The following DTX1 variants were observed in gnomAD, a reference collection of about 807,000 sequenced individuals.
DTX1 encodes the protein deltex E3 ubiquitin ligase 1.
In DTX1, 26 loss-of-function variants were observed where a neutral mutation model predicts 57.8. The ratio of observed to expected loss-of-function variants is 0.45; its 90% CI spans 0.33 to 0.62. The LOEUF (loss-of-function observed/expected upper bound fraction) is 0.62, where lower values mean the gene tolerates loss of function less well. DTX1 is among the 20% of genes least tolerant of loss of function. DTX1 has a pLI of 0.02. For synonymous variants in DTX1, 398 were observed against 394.1 expected (o/e 1.01, Z -0.12); for missense variants, 704 against 895.3 (o/e 0.79, Z 2.73).
In DTX1 at chr12:113,057,604, C is replaced by T. The variant is rs2044635553; in HGVS notation, c.-589C>T. On this transcript the variant is annotated 5_prime_UTR_variant, in exon 2 of 10. Coordinates refer to ENST00000548759, the MANE Select transcript of DTX1 (RefSeq NM_004416.3). Reference sequence around the variant, plus strand: ...TGCGTTCTGCGGCCACCCAGGCCTTCCAGGACACCGTGGAGAGGGAACAAG... The same window carrying T: ...TGCGTTCTGCGGCCACCCAGGCCTTTCAGGACACCGTGGAGAGGGAACAAG... The T allele has an allele frequency of 1.3e-5, 2 of 153,728 alleles. No homozygotes were observed. The highest frequency in any genetic ancestry group is 6.4e-5 in the Admixed American group (1 of 15,574). The allele number at this position is 153,728 out of a possible 1,614,324, so 9.5% of individuals were successfully genotyped here.
chr12:113,063,698 G>C (rs1015349813), intron 2 of DTX1, among the ~76,000 whole-genome samples: 1 of 152,234 alleles, frequency 6.6e-6, no homozygotes, highest in Non-Finnish European at 1.5e-5. Context: ...GTGGTGGCTG[G>C]TTCTGGGATC....
At position 113,057,960 on chromosome 12, in the gene DTX1, A is replaced by C; in HGVS notation, c.-233A>C. On this transcript the variant is annotated 5_prime_UTR_variant, in exon 2 of 10. Coordinates refer to ENST00000548759, the MANE Select transcript of DTX1 (RefSeq NM_004416.3). ...AAGAGAGACACTTGCTTTCCAGGGC[A>C]GCACCCTTTATCGGAGAAGGCTCTA... 1.6e-6 allele frequency: 1 copy of C among 635,290 alleles called. No individual in the cohort carries two copies. The highest frequency in any genetic ancestry group is 2.6e-6 in the Non-Finnish European group (1 of 380,504). The allele number at this position is 635,290 out of a possible 1,614,324, so 39.4% of individuals were successfully genotyped here. A position where few individuals can be genotyped will look rare whatever the true frequency, so the allele number is the denominator to read the frequency against.
intron 3 of DTX1, among the ~76,000 whole-genome samples, chr12:113,082,634 T>C (rs1275189761): frequency 3.3e-5 from 5 of 152,206 alleles, no homozygotes; most frequent in Non-Finnish European, 5.9e-5. Flanking sequence ...TCGCTCTTAT[T>C]GCCCAGGCTG....
intron 2 of DTX1, among the ~76,000 whole-genome samples, chr12:113,068,280 C>G (rs1242469935): frequency 6.6e-6 from 1 of 152,214 alleles, no homozygotes; most frequent in Non-Finnish European, 1.5e-5. Context: ...GTAAACCAGC[C>G]CAGCCTTGGA....
rs2044779447 is a variant in DTX1, at chr12:113,077,347, C to T, written c.260-77C>T. ...CCCCCCAACCTCCCGCCCACCCTTG[C>T]CTGGCTGTGGCCCGCCCTTCCAGCC... On this transcript the variant is annotated intron_variant, in intron 2 of 9. Transcript: ENST00000548759. This position sits in a 1 kb window ranked among gnomAD's most constrained non-coding sequence, Gnocchi z 7.8. The T allele has an allele frequency of 1.4e-6, 2 of 1,428,360 alleles. No individual in the cohort carries two copies. Among genetic ancestry groups the T allele is most frequent in the Middle Eastern group, 2.4e-4 (1 of 4,128 alleles). The allele number at this position is 1,428,360 out of a possible 1,614,324, so 88.5% of individuals were successfully genotyped here. A position where few individuals can be genotyped will look rare whatever the true frequency, so the allele number is the denominator to read the frequency against.
chr12:113,083,015 CG>C (rs917729560), intron 3 of DTX1, among the ~76,000 whole-genome samples: 5 of 152,226 alleles, frequency 3.3e-5, no homozygotes, highest in African/African-American at 7.2e-5. Context: ...TCCGAGATCA[CG>C]GTGTCACAGG....
In DTX1 at chr12:113,093,277, C is replaced by G; in HGVS notation, c.1003+54C>G. 1 of 1,536,768 alleles carries G rather than the reference C, an allele frequency of 6.5e-7. No homozygotes were observed. Among genetic ancestry groups the G allele is most frequent in the Non-Finnish European group, 8.8e-7 (1 of 1,137,214 alleles). On this transcript the variant is annotated intron_variant, in intron 4 of 9. Coordinates refer to ENST00000548759, the MANE Select transcript of DTX1 (RefSeq NM_004416.3). This position sits in a 1 kb window ranked among gnomAD's most constrained non-coding sequence, Gnocchi z 4.2. ...GGGCGGGGCCCACTAGGAGGCAGCT[C>G]CGCCTGTCACCCGGTGACCCCGCCC...
intron 2 of DTX1, among the ~76,000 whole-genome samples, chr12:113,076,420 T>C (rs2044772466): frequency 6.8e-6 from 1 of 146,116 alleles, no homozygotes; most frequent in East Asian, 2.0e-4. Context: ...ATTGTGCCAC[T>C]GTATTCCAGC....
rs1433417872 is a variant in DTX1, at chr12:113,078,051, G to T, written c.887G>T (p.Arg296Leu). Reference protein sequence around the residue: ...ARTPGQNNLNRPGPQRTTSVS... With the variant: ...ARTPGQNNLNLPGPQRTTSVS... ...ACCCCGGGGCAGAACAACCTCAACC[G>T]GCCCGGGCCCCAGCGCACCACCAGC... Residue 296 changes from arginine (R) to leucine (L), a missense_variant, in exon 3 of 10, where the codon CGG becomes CTG. This residue lies in a region of DTX1 where 299 missense variants were observed against 311.2 expected (regional missense o/e 0.96). Transcript: ENST00000548759. 10 of 1,361,776 alleles carry T rather than the reference G, an allele frequency of 7.3e-6. No individual in the cohort carries two copies. The highest frequency in any genetic ancestry group is 1.6e-5 in the South Asian group (1 of 60,954). 84.4% of individuals were successfully genotyped at this position (1,361,776 alleles called of 1,614,324 possible).
At chr12:113,060,412 G>A (rs1406723155) in intron 2 of DTX1, among the ~76,000 whole-genome samples, 4 of 152,064 alleles carry the variant, frequency 2.6e-5, no homozygotes, top group African/African-American at 7.2e-5. Context: ...AACTAAACCT[G>A]GCCCAGAGGT....
At position 113,095,551 on chromosome 12, in the gene DTX1, G is replaced by C. The variant is rs1030798157; in HGVS notation, c.1638+137G>C. On this transcript the variant is annotated intron_variant, in intron 9 of 9. Transcript: ENST00000548759. The stretch of plus-strand genomic sequence containing the variant: ...CCAAAAGCAGCACCCGAACAGTAAC[G>C]ACCACAGCCACCTCCTTCACACATC... 11 of 1,063,184 alleles carry C rather than the reference G, an allele frequency of 1.0e-5. 1 individual carries two copies. The African/African-American group carries it at 1.4e-4, about 14-fold the overall frequency. 65.9% of individuals were successfully genotyped at this position (1,063,184 alleles called of 1,614,324 possible).
Position 113,095,336 on chromosome 12 carries a change from C to T in DTX1, c.1560C>T (p.His520=), listed in dbSNP as rs763030792. ...GTCCCTCTCTGCAGGGCCCTGAGCA[C>T]CCCAACCCCGGGAAGAAGTTCACCG... is the stretch of plus-strand genomic sequence containing the variant. ...DIPTGIQGPE[H]PNPGKKFTAR... is the part of the protein sequence containing the mutation. Residue 520 remains histidine (H), a synonymous_variant, in exon 9 of 10, where the codon CAC becomes CAT. Transcript: ENST00000548759. The T allele has an allele frequency of 1.4e-5, 22 of 1,614,084 alleles. No individual in the cohort carries two copies. The South Asian group carries it at 2.4e-4, about 18-fold the overall frequency.
At chr12:113,079,295 A>G (rs2044798151) in intron 3 of DTX1, among the ~76,000 whole-genome samples, 1 of 152,162 alleles carries the variant, frequency 6.6e-6, no homozygotes, top group Admixed American at 6.5e-5. Context: ...TTCAATCACT[A>G]TGGCATGGCC....
chr12:113,092,015 C>T (rs1950251801), intron 3 of DTX1, among the ~76,000 whole-genome samples: 1 of 152,248 alleles, frequency 6.6e-6, no homozygotes, highest in Non-Finnish European at 1.5e-5. Context: ...ACCGCAAGCT[C>T]TCCTTCAGTC....
At chr12:113,058,551 C>T (rs2136421084) in intron 2 of DTX1, 100 bp downstream of exon 2, 2 of 1,510,008 alleles carry the variant, frequency 1.3e-6, no homozygotes, top group South Asian at 1.3e-5. Context: ...ATGCCAAATC[C>T]CTTCCCCATC....
intron 2 of DTX1, among the ~76,000 whole-genome samples, chr12:113,070,759 G>A (rs866310066): frequency 9.2e-5 from 14 of 152,206 alleles, no homozygotes; most frequent in African/African-American, 3.4e-4. Context: ...ACTTGGTGAG[G>A]TTGAACCCCA....
In DTX1 at chr12:113,093,463, G is replaced by C; in HGVS notation, c.1004-76G>C. 1 of 1,143,388 alleles carries C rather than the reference G, an allele frequency of 8.7e-7. No individual in the cohort carries two copies. Among genetic ancestry groups the C allele is most frequent in the Non-Finnish European group, 1.2e-6 (1 of 836,128 alleles). 70.8% of individuals were successfully genotyped at this position (1,143,388 alleles called of 1,614,324 possible). On this transcript the variant is annotated intron_variant, in intron 4 of 9. Coordinates refer to ENST00000548759, the MANE Select transcript of DTX1 (RefSeq NM_004416.3). This position sits in a 1 kb window ranked among gnomAD's most constrained non-coding sequence, Gnocchi z 4.2. The stretch of plus-strand genomic sequence containing the variant: ...CCCTCCCACCCACCCGAGGGCCCCG[G>C]GATTCCCAGGGCCAGTGGTCGGGGG...
rs758432034 is a variant in DTX1 at position 113,093,804 on chromosome 12, A to G, written c.1165+104A>G. The G allele has an allele frequency of 2.1e-4, 314 of 1,511,772 alleles. No homozygotes were observed. The highest frequency in any genetic ancestry group is 2.6e-4 in the Non-Finnish European group (296 of 1,117,304). The allele number at this position is 1,511,772 out of a possible 1,614,324, so 93.6% of individuals were successfully genotyped here. A position where few individuals can be genotyped will look rare whatever the true frequency, so the allele number is the denominator to read the frequency against. ...ACTTATTCTTAGCATTTACTACCTCACCTCCATTGCCTGATCTCAGCTCCC... is the reference window on the plus strand; with the variant it reads ...ACTTATTCTTAGCATTTACTACCTCGCCTCCATTGCCTGATCTCAGCTCCC... On this transcript the variant is annotated intron_variant, in intron 5 of 9. Transcript: ENST00000548759. The surrounding 1 kb of genome is among the most constrained non-coding windows in gnomAD (Gnocchi z 4.2).
intron 9 of DTX1, chr12:113,095,692 G>A (rs576256375): frequency 1.6e-5 from 7 of 438,614 alleles, no homozygotes; most frequent in Middle Eastern, 6.5e-4. Context: ...ACTAAGTGGC[G>A]GAGCTGGGAT....
Sources: allele counts gnomAD v4.1 joint callset (sites outside exome capture counted in the v4.1 genomes callset), GRCh38; gene constraint gnomAD v4.1.1; regional missense constraint gnomAD v4.1.1; non-coding constraint Gnocchi (gnomAD v3.1); transcripts MANE v1.5; gene names NCBI Gene and HGNC (gene_info 2026-07-23, HGNC 2026-07-21).